The following KCNU1 variants were observed in gnomAD, a reference collection of about 807,000 sequenced individuals.
KCNU1 encodes the protein potassium calcium-activated channel subfamily U member 1.
Under a neutral mutation model 126.8 loss-of-function variants are expected in KCNU1, and 93 were observed. The ratio of observed to expected loss-of-function variants is 0.73; its 90% CI spans 0.62 to 0.87. The LOEUF is 0.87. Ranked by LOEUF, KCNU1 falls within the 40% of genes least tolerant of loss-of-function variation. The pLI, the probability that KCNU1 is intolerant of heterozygous loss-of-function variation, is 0.00. For missense variants in KCNU1, 1,330 were observed against 1,367.1 expected, an observed-to-expected ratio of 0.97 and a Z score of 0.43; for synonymous variants, 523 against 494.2, an observed-to-expected ratio of 1.06 and a Z score of -0.77.
Position 36,911,077 on chromosome 8 carries a change from T to C in KCNU1, c.2479T>C (p.Leu827=), listed in dbSNP as rs752482442. 18 of 1,613,472 alleles carry C rather than the reference T, an allele frequency of 1.1e-5. No individual in the cohort carries two copies. The highest frequency in any genetic ancestry group is 3.3e-4 in the Middle Eastern group (2 of 6,084). ...AIMATLTIGS[L]QIDSSSDPSP... ...CATGGCAACCCTCACCATCGGATCC[T>C]TGCAAATTGACTCCTCCTCTGACCC... The change falls in exon 22 of 27, where the codon TTG becomes CTG. Residue 827 remains leucine, a synonymous_variant. Transcript: ENST00000399881.
intron 24 of KCNU1, among the ~76,000 whole-genome samples, chr8:36,925,308 A>T (rs1381593809): frequency 1.3e-5 from 2 of 152,158 alleles, no homozygotes; most frequent in East Asian, 3.9e-4. Context: ...GCATTTGCTC[A>T]ACTGAATTTG....
At chr8:36,821,522 T>A (rs1214424653) in intron 10 of KCNU1, among the ~76,000 whole-genome samples, 2 of 152,152 alleles carry the variant, frequency 1.3e-5, no homozygotes, top group African/African-American at 2.4e-5. Flanking sequence ...CTAGGCCTAA[T>A]TTAGATGACA....
Position 36,815,512 on chromosome 8 carries a change from T to A in KCNU1, c.904-84T>A. 8 of 646,028 alleles carry A rather than the reference T, an allele frequency of 1.2e-5. No homozygotes were observed. The South Asian group carries it at 1.8e-4, about 15-fold the overall frequency. 40.0% of individuals were successfully genotyped at this position (646,028 alleles called of 1,614,324 possible). On this transcript the variant is annotated intron_variant, in intron 8 of 26. Transcript: ENST00000399881. ...AGATGACAGAAAGTTTTATGTACCC[T>A]CCTTTTCCTTTCTAATCTTGAAATT... is the stretch of plus-strand genomic sequence containing the variant.
intron 14 of KCNU1, among the ~76,000 whole-genome samples, chr8:36,839,857 T>C (rs1246786270): frequency 6.6e-6 from 1 of 152,144 alleles, no homozygotes; most frequent in East Asian, 1.9e-4. Flanking sequence ...AGCCTTTCTG[T>C]TGGGTTGGGT....
At chr8:36,838,506 C>T (rs1003505962) in intron 14 of KCNU1, among the ~76,000 whole-genome samples, 4 of 152,120 alleles carry the variant, frequency 2.6e-5, no homozygotes, top group Admixed American at 6.5e-5. Flanking sequence ...ACCTTGCCAA[C>T]GTAGTGAAAC....
At chr8:36,903,499 G>A (rs1280480408) in intron 19 of KCNU1, among the ~76,000 whole-genome samples, 1 of 151,940 alleles carries the variant, frequency 6.6e-6, no homozygotes, top group Non-Finnish European at 1.5e-5. Context: ...AGGCTGTAGG[G>A]GACAATAACA....
At chr8:36,920,847 G>A (rs1035619965) in intron 23 of KCNU1, among the ~76,000 whole-genome samples, 2 of 152,190 alleles carry the variant, frequency 1.3e-5, no homozygotes, top group Non-Finnish European at 2.9e-5. Context: ...TGAAAATAAA[G>A]CTGTTCTCAG....
Position 36,805,255 on chromosome 8 carries a change from T to C in KCNU1, c.438T>C (p.Asn146=). 6.2e-7 allele frequency: 1 copy of C among 1,606,966 alleles called. No homozygotes were observed. The highest frequency in any genetic ancestry group is 8.5e-7 in the Non-Finnish European group (1 of 1,175,668). The change falls in exon 4 of 27, where the codon AAT becomes AAC. Residue 146 remains asparagine, a synonymous_variant. Transcript: ENST00000399881. ...CCATTCCTATTGATTTGGTTTTCAA[T>C]GCTTTCTTTAGTTTCTATTTTGGAT... ...DKTIPIDLVF[N]AFFSFYFGLR...
At chr8:36,875,363 AATTACAGATATATAATATAT>A (rs1315427627) in intron 19 of KCNU1, among the ~76,000 whole-genome samples, 1 of 149,214 alleles carries the variant, frequency 6.7e-6, no homozygotes, top group African/African-American at 2.4e-5. Flanking sequence ...TTACATATAT[AATTACAGATATATAATATAT>A]ATTACAGATA....
chr8:36,878,859 A>G (rs1806364305), intron 19 of KCNU1, among the ~76,000 whole-genome samples: 2 of 147,924 alleles, frequency 1.4e-5, no homozygotes, highest in African/African-American at 4.9e-5. Context: ...TAAAATATAT[A>G]TTTATATTGT....
At chr8:36,811,741 G>A (rs1803723632) in intron 7 of KCNU1, among the ~76,000 whole-genome samples, 1 of 151,678 alleles carries the variant, frequency 6.6e-6, no homozygotes, top group Non-Finnish European at 1.5e-5. Context: ...AGACCAGCCT[G>A]GCCAACATGG....
At chr8:36,856,074 G>T (rs1805519347) in intron 18 of KCNU1, among the ~76,000 whole-genome samples, 1 of 152,114 alleles carries the variant, frequency 6.6e-6, no homozygotes, top group Admixed American at 6.5e-5. Context: ...ATTAACATCA[G>T]TTAATGTACT....
At chr8:36,894,820 C>T (rs1807118867) in intron 19 of KCNU1, among the ~76,000 whole-genome samples, 1 of 151,948 alleles carries the variant, frequency 6.6e-6, no homozygotes. Context: ...AGAAACAGTC[C>T]TAGTTAGACA....
intron 18 of KCNU1, among the ~76,000 whole-genome samples, chr8:36,857,611 TTTGTTTG>T (rs1440690237): frequency 6.9e-6 from 1 of 144,214 alleles, no homozygotes; most frequent in Non-Finnish European, 1.6e-5. Flanking sequence ...TTGTTTTTTG[TTTGTTTG>T]TTGTTTGTTT....
chr8:36,922,430 G>T (rs1808387210), intron 23 of KCNU1, 60 bp from the exon 24 acceptor site: 4 of 1,544,698 alleles, frequency 2.6e-6, no homozygotes, highest in Non-Finnish European at 3.5e-6. Flanking sequence ...TGCATGGATG[G>T]CACTTCTTAT....
chr8:36,867,886 C>CTT (rs1805968135), intron 19 of KCNU1, among the ~76,000 whole-genome samples: 2 of 152,062 alleles, frequency 1.3e-5, no homozygotes, highest in Non-Finnish European at 2.9e-5. Flanking sequence ...GTCTGTCAGC[C>CTT]CTATTTCTGG....
intron 1 of KCNU1, among the ~76,000 whole-genome samples, chr8:36,785,096 G>T (rs1446744309): frequency 6.6e-6 from 1 of 152,200 alleles, no homozygotes; most frequent in African/African-American, 2.4e-5. Flanking sequence ...CATACACAGA[G>T]AAGCCCATGC....
chr8:36,887,442 G>GTTTTTTTT (rs71278791), intron 19 of KCNU1, among the ~76,000 whole-genome samples: 5 of 124,988 alleles, frequency 4.0e-5, no homozygotes, highest in Admixed American at 2.5e-4. Context: ...TTGGCCATTT[G>GTTTTTTTT]TTTTTTTTTG....
chr8:36,836,611 A>T (rs575722584), intron 13 of KCNU1, among the ~76,000 whole-genome samples, 182 bp from the exon 14 acceptor site: 1 of 152,318 alleles, frequency 6.6e-6, no homozygotes, highest in East Asian at 1.9e-4. Context: ...ATTGACCACT[A>T]ACCACTTTCA....
Sources: gnomAD v4.1 joint callset for allele counts (sites outside exome capture counted in the v4.1 genomes callset) on GRCh38, gnomAD v4.1.1 for gene constraint, MANE v1.5 for transcripts, NCBI Gene and HGNC (gene_info 2026-07-23, HGNC 2026-07-21) for gene names.